Variants in SMARCAD1 observed in about 807,000 individuals in gnomAD.
SMARCAD1 encodes SWI/SNF-related matrix-associated actin-dependent regulator of chromatin subfamily A containing DEAD/H box 1.
In SMARCAD1, 25 loss-of-function variants were observed where a neutral mutation model predicts 127.1. The observed-to-expected ratio is 0.20, with a 90% CI of 0.14 to 0.27. SMARCAD1 has a LOEUF of 0.27. Among genes scored for constraint, SMARCAD1 ranks in the 10% least tolerant of loss-of-function variants. The pLI, the probability that SMARCAD1 is intolerant of heterozygous loss-of-function variation, is 1.00. For synonymous variants in SMARCAD1, 400 were observed against 396.9 expected (o/e 1.01, Z -0.09); for missense variants, 807 against 1,206.0 (o/e 0.67, Z 4.90).
chr4:94,235,949 T>C (rs1746585960), intron 4 of SMARCAD1, among the ~76,000 whole-genome samples: 1 of 152,126 alleles, frequency 6.6e-6, no homozygotes, highest in South Asian at 2.1e-4. Flanking sequence ...TATCACACAC[T>C]CCAGAGCACT....
At chr4:94,215,258 G>A (rs1427670915) in intron 2 of SMARCAD1, among the ~76,000 whole-genome samples, 1 of 152,162 alleles carries the variant, frequency 6.6e-6, no homozygotes, top group East Asian at 1.9e-4. Flanking sequence ...GGTTAGTGCT[G>A]AATTGTTGTA....
rs776398506 is a variant in SMARCAD1 at position 94,234,128 on chromosome 4, A to G, written c.537+6A>G. ...GTGACAATGATTTACTTAAGGTTAT[A>G]TTCATTGGTTATTGTAGCTGTAATG... On this transcript the variant is annotated splice_donor_region_variant and intron_variant, in intron 4 of 23. Transcript: ENST00000354268. 6.3e-7 allele frequency: 1 copy of G among 1,586,390 alleles called. No homozygotes were observed. Among genetic ancestry groups the G allele is most frequent in the Non-Finnish European group, 8.6e-7 (1 of 1,164,006 alleles).
At chr4:94,282,342 C>T (rs975291439) in intron 21 of SMARCAD1, among the ~76,000 whole-genome samples, 14 of 151,252 alleles carry the variant, frequency 9.3e-5, no homozygotes, top group African/African-American at 1.7e-4. Context: ...GTGATCCGCC[C>T]GCCTCGGCCT....
chr4:94,211,427 G>T (rs1356442245), intron 2 of SMARCAD1, among the ~76,000 whole-genome samples: 2 of 152,184 alleles, frequency 1.3e-5, no homozygotes, highest in Non-Finnish European at 2.9e-5. Flanking sequence ...TTAAGGTCAG[G>T]ACTGGAGATG....
chr4:94,270,420 G>T (rs1328832002), intron 10 of SMARCAD1: 1 of 286,932 alleles, frequency 3.5e-6, no homozygotes, highest in East Asian at 8.0e-5. Context: ...TACTAGCTTA[G>T]TATTAATATT....
At chr4:94,237,130 G>A (rs1001921901) in intron 5 of SMARCAD1, 112 bp downstream of exon 5, 2 of 926,194 alleles carry the variant, frequency 2.2e-6, no homozygotes, top group South Asian at 1.3e-5. Flanking sequence ...AATTCTTACA[G>A]GAATTTGTGA....
chr4:94,247,152 T>G (rs1440520556), intron 6 of SMARCAD1, among the ~76,000 whole-genome samples: 1 of 152,180 alleles, frequency 6.6e-6, no homozygotes, highest in Non-Finnish European at 1.5e-5. Flanking sequence ...TCTAGGGACT[T>G]GGATTTGGTG....
Position 94,276,424 on chromosome 4 carries a change from A to G in SMARCAD1, c.1894A>G (p.Met632Val). Residue 632 changes from methionine to valine, a missense_variant, in exon 15 of 24, where the codon ATG becomes GTG. Physicochemically the swap from Met to Val is conservative, Grantham distance 21. Coordinates refer to ENST00000354268, the MANE Select transcript of SMARCAD1 (RefSeq NM_020159.5). ...LNYAIFDEGH[M>V]LKNMGSIRYQ... ...TTACGCAATTTTTGATGAGGGCCAT[A>G]TGCTGAAGAATATGGGCTCCATTCG... is the stretch of plus-strand genomic sequence containing the variant. The G allele has an allele frequency of 6.2e-7, 1 of 1,614,178 alleles. No individual in the cohort carries two copies.
intron 21 of SMARCAD1, among the ~76,000 whole-genome samples, chr4:94,282,349 G>A (rs1416868565): frequency 6.6e-6 from 1 of 151,330 alleles, no homozygotes. Flanking sequence ...GCCCGCCTCG[G>A]CCTCCCAAAG....
At chr4:94,272,956 C>T (rs1410736734) in intron 11 of SMARCAD1, among the ~76,000 whole-genome samples, 4 of 151,592 alleles carry the variant, frequency 2.6e-5, no homozygotes, top group Non-Finnish European at 5.9e-5. Flanking sequence ...CACAGACATG[C>T]GCCACCATGC....
Position 94,289,676 on chromosome 4 carries a change from C to T in SMARCAD1, c.*142C>T, listed in dbSNP as rs1252961713. The T allele has an allele frequency of 4.8e-6, 4 of 828,224 alleles. No individual in the cohort carries two copies. The highest frequency in any genetic ancestry group is 8.4e-6 in the Non-Finnish European group (4 of 478,000). The allele number at this position is 828,224 out of a possible 1,614,324, so 51.3% of individuals were successfully genotyped here. Reference sequence around the variant, plus strand: ...ATTACATTTCTCATAGTATGGACAACTTTTTGCCACTAACTGAATTCTCCA... The same window carrying T: ...ATTACATTTCTCATAGTATGGACAATTTTTTGCCACTAACTGAATTCTCCA... On this transcript the variant is annotated 3_prime_UTR_variant, in exon 24 of 24. Transcript: ENST00000354268.
intron 5 of SMARCAD1, among the ~76,000 whole-genome samples, chr4:94,240,316 G>C (rs1363715370): frequency 6.6e-6 from 1 of 152,150 alleles, no homozygotes; most frequent in African/African-American, 2.4e-5. Context: ...ACAATATGCA[G>C]ATTTCCTGTT....
chr4:94,229,463 A>G (rs1560521621), intron 3 of SMARCAD1, among the ~76,000 whole-genome samples: 1 of 152,088 alleles, frequency 6.6e-6, no homozygotes, highest in Non-Finnish European at 1.5e-5. Context: ...TTGGTGCACA[A>G]ATTTCTCAGT....
chr4:94,268,562 A>G (rs1383240585), intron 10 of SMARCAD1, among the ~76,000 whole-genome samples: 1 of 152,132 alleles, frequency 6.6e-6, no homozygotes, highest in East Asian at 1.9e-4. Flanking sequence ...CAGTGTGTTG[A>G]CCGTAGGATG....
intron 2 of SMARCAD1, among the ~76,000 whole-genome samples, chr4:94,215,113 C>T (rs915987907): frequency 3.3e-5 from 5 of 152,194 alleles, no homozygotes; most frequent in South Asian, 2.1e-4. Context: ...TTCATAATTC[C>T]GTGACCATTG....
In SMARCAD1 at chr4:94,278,998, G is replaced by A; in HGVS notation, c.2366G>A (p.Arg789His). 5.0e-6 allele frequency: 8 copies of A among 1,613,868 alleles called. No individual in the cohort carries two copies. Among genetic ancestry groups the A allele is most frequent in the Non-Finnish European group, 6.8e-6 (8 of 1,179,988 alleles). ...RKMANHPLLH[R>H]QYYTAEKLKE... The stretch of plus-strand genomic sequence containing the variant: ...ATGGCCAATCATCCTTTATTACATC[G>A]CCAATATTACACAGCTGAAAAACTC... The change falls in exon 19 of 24, where the codon CGC becomes CAC. Residue 789 changes from arginine to histidine, a missense_variant. By Grantham distance (29) the Arg-to-His change is conservative. Coordinates refer to ENST00000354268, the MANE Select transcript of SMARCAD1 (RefSeq NM_020159.5).
intron 2 of SMARCAD1, among the ~76,000 whole-genome samples, chr4:94,215,993 GGGTA>G (rs1743108936): frequency 1.3e-5 from 2 of 151,926 alleles, no homozygotes; most frequent in Admixed American, 1.3e-4. Flanking sequence ...ACCATGAACC[GGGTA>G]GCTTATAAGC....
At chr4:94,223,950 C>A (rs1487452247) in intron 2 of SMARCAD1, among the ~76,000 whole-genome samples, 1 of 151,950 alleles carries the variant, frequency 6.6e-6, no homozygotes, top group African/African-American at 2.4e-5. Flanking sequence ...CAGGCATTAG[C>A]TTTAGTTCTC....
rs117007065 is a variant in SMARCAD1 at position 94,269,367 on chromosome 4, C to T, written c.1482-1361C>T. 6.8e-4 allele frequency among the ~76,000 whole-genome samples: 104 copies of T among 152,178 alleles called. No individual in the cohort carries two copies. The East Asian group carries it at 0.019, about 28-fold the overall frequency. ...TGGAGAATGGGAGGCATGGCCTTGTCCTATGTTTTCACATTAATGTAAGGT... is the reference window on the plus strand; with the variant it reads ...TGGAGAATGGGAGGCATGGCCTTGTTCTATGTTTTCACATTAATGTAAGGT... On this transcript the variant is annotated intron_variant, in intron 10 of 23. Coordinates refer to ENST00000354268, the MANE Select transcript of SMARCAD1 (RefSeq NM_020159.5).
Sources: allele counts gnomAD v4.1 joint callset (sites outside exome capture counted in the v4.1 genomes callset), GRCh38; gene constraint gnomAD v4.1.1; transcripts MANE v1.5; gene names NCBI Gene and HGNC (gene_info 2026-07-23, HGNC 2026-07-21).